Variants in NDEL1 observed in about 807,000 individuals in gnomAD.
The protein encoded by NDEL1 is nuclear distribution protein nudE-like 1.
NDEL1 carries 9 observed loss-of-function variants against 45.7 expected under a neutral mutation model. That is an observed-to-expected ratio of 0.20 (90% CI 0.12 to 0.34). The LOEUF (loss-of-function observed/expected upper bound fraction) is 0.34. Among genes scored for constraint, NDEL1 ranks in the 10% least tolerant of loss-of-function variants. The pLI, the probability that NDEL1 is intolerant of heterozygous loss-of-function variation, is 1.00. For missense variants in NDEL1, 306 were observed against 406.2 expected (o/e 0.75, Z 2.12); for synonymous variants, 133 against 158.6 (o/e 0.84, Z 1.21).
rs1041683286 is a variant in NDEL1, at chr17:8,465,509, A to G, written c.945-1421A>G. On this transcript the variant is annotated intron_variant, in intron 8 of 8. Coordinates refer to ENST00000334527, the MANE Select transcript of NDEL1 (RefSeq NM_030808.5). This position sits in a 1 kb window ranked among gnomAD's most constrained non-coding sequence, Gnocchi z 4.9. The stretch of plus-strand genomic sequence containing the variant: ...TACTCTGAGTTTAGTTTCTTTAGAC[A>G]TGAACTTTGTTTCTTCCAAGTAGGC... 1 of 152,192 alleles carries G rather than the reference A, an allele frequency of 6.6e-6. No individual in the cohort carries two copies. Among genetic ancestry groups the G allele is most frequent in the Non-Finnish European group, 1.5e-5 (1 of 68,032 alleles). The allele number at this position is 152,192 out of a possible 1,614,324, so 9.4% of individuals were successfully genotyped here.
At chr17:8,433,099 CA>C (rs552822111), upstream of NDEL1, among the ~76,000 whole-genome samples, 10,082 of 135,460 alleles carry the variant, frequency 0.074, 347 homozygotes, top group Middle Eastern at 0.094. Context: ...TACAATTCTT[CA>C]AAAAAAAAAA....
chr17:8,452,974 GGTGA>G lies in NDEL1; in HGVS notation c.701-1821_701-1818del, dbSNP rs1597546330. ...GGCCAGTCTCAAACTCCTGACCTCAGGTGATCCACCCACCTCAGCCTCCCAAAGT... is the reference window on the plus strand; with the variant it reads ...GGCCAGTCTCAAACTCCTGACCTCAGTCCACCCACCTCAGCCTCCCAAAGT... On this transcript the variant is annotated intron_variant, in intron 6 of 8. Coordinates refer to ENST00000334527, the MANE Select transcript of NDEL1 (RefSeq NM_030808.5). Among the ~76,000 whole-genome samples the G allele has an allele frequency of 2.0e-5, 3 of 151,958 alleles. No individual in the cohort carries two copies. The East Asian group carries it at 5.8e-4, about 29-fold the overall frequency.
chr17:8,449,131 C>A (rs554155480), intron 5 of NDEL1, among the ~76,000 whole-genome samples: 7 of 152,274 alleles, frequency 4.6e-5, no homozygotes, highest in Admixed American at 3.3e-4. Context: ...TACAGGCGCC[C>A]GCCACCACAC....
At chr17:8,437,699 G>A (rs1319231072) in intron 1 of NDEL1, among the ~76,000 whole-genome samples, 2 of 152,168 alleles carry the variant, frequency 1.3e-5, no homozygotes, top group South Asian at 2.1e-4. Flanking sequence ...CTCTTCTAAC[G>A]TCAGTCCATT....
chr17:8,472,386 G>T (rs933763355), downstream of NDEL1, among the ~76,000 whole-genome samples: 24 of 152,206 alleles, frequency 1.6e-4, no homozygotes, highest in African/African-American at 5.8e-4. Context: ...GGGCATGGTG[G>T]CTCACACCTG....
At chr17:8,450,978 G>C in intron 6 of NDEL1, 25 bp downstream of exon 6, 1 of 1,595,226 alleles carries the variant, frequency 6.3e-7, no homozygotes, top group Non-Finnish European at 8.5e-7. Flanking sequence ...TTCTTTTTGA[G>C]GCGATGTGTT....
chr17:8,439,131 C>T (rs1391330147), intron 1 of NDEL1, among the ~76,000 whole-genome samples: 1 of 151,022 alleles, frequency 6.6e-6, no homozygotes, highest in Non-Finnish European at 1.5e-5. Flanking sequence ...TTAGTAGAGA[C>T]GGGGTTTCAC....
chr17:8,455,442 C>T (rs1016525568), intron 7 of NDEL1, among the ~76,000 whole-genome samples: 1 of 152,140 alleles, frequency 6.6e-6, no homozygotes, highest in African/African-American at 2.4e-5. Context: ...AATCCCAGCA[C>T]TTTGGGAGGC....
At chr17:8,460,694 A>T (rs1226032938) in intron 8 of NDEL1, among the ~76,000 whole-genome samples, 1 of 152,158 alleles carries the variant, frequency 6.6e-6, no homozygotes, top group Non-Finnish European at 1.5e-5. Flanking sequence ...TAATGCAAAA[A>T]ATTTCAGTTA....
At chr17:8,469,806 C>T (rs1451439146), downstream of NDEL1, among the ~76,000 whole-genome samples, 2 of 150,376 alleles carry the variant, frequency 1.3e-5, no homozygotes, top group Admixed American at 6.6e-5. Flanking sequence ...CGGGTTCCAG[C>T]GATTCTCCTG....
chr17:8,464,122 C>T (rs1391986988), intron 8 of NDEL1: 1 of 152,294 alleles, frequency 6.6e-6, no homozygotes, highest in Non-Finnish European at 1.5e-5. Flanking sequence ...TGGCTCTTCC[C>T]CCTTTTCACT....
chr17:8,452,702 T>C (rs2151727132), intron 6 of NDEL1, among the ~76,000 whole-genome samples: 1 of 150,964 alleles, frequency 6.6e-6, no homozygotes, highest in East Asian at 1.9e-4. Context: ...TCTTTCTTTT[T>C]CTTTCTTCCT....
At chr17:8,447,387 C>T (rs1213417926) in intron 4 of NDEL1, among the ~76,000 whole-genome samples, 1 of 152,198 alleles carries the variant, frequency 6.6e-6, no homozygotes, top group African/African-American at 2.4e-5. Context: ...AAGTGATCTG[C>T]CCACCTTGGC....
upstream of NDEL1, chr17:8,431,765 C>T (rs1304731120): frequency 6.6e-5 from 10 of 152,024 alleles, no homozygotes; most frequent in East Asian, 1.9e-3. Context: ...AGCACAGTTG[C>T]CAGTGCATAC....
chr17:8,449,228 G>A (rs559934156), intron 5 of NDEL1, among the ~76,000 whole-genome samples: 3 of 152,270 alleles, frequency 2.0e-5, no homozygotes, highest in East Asian at 1.9e-4. Context: ...TGATCCGGCC[G>A]CCTTGGCCTC....
At position 8,467,447 on chromosome 17, in the gene NDEL1, TCCCA is replaced by T. The variant is rs988842874; in HGVS notation, c.*429_*432del. Reference sequence around the variant, plus strand: ...CAGGTCAATGTGTGCCCTCCTGAGCTCCCACCCAGGCATCTCCAGTGCTCATGAT... The same window carrying T: ...CAGGTCAATGTGTGCCCTCCTGAGCTCCCAGGCATCTCCAGTGCTCATGAT... On this transcript the variant is annotated 3_prime_UTR_variant, in exon 9 of 9. Transcript: ENST00000334527. The surrounding 1 kb of genome is among the most constrained non-coding windows in gnomAD (Gnocchi z 6.3). 1.5e-5 allele frequency: 6 copies of T among 391,312 alleles called. No homozygotes were observed. Among genetic ancestry groups the T allele is most frequent in the Non-Finnish European group, 2.7e-5 (6 of 221,722 alleles). 24.2% of individuals were successfully genotyped at this position (391,312 alleles called of 1,614,324 possible).
At chr17:8,459,512 A>G (rs896005671) in intron 7 of NDEL1, among the ~76,000 whole-genome samples, 10 of 152,224 alleles carry the variant, frequency 6.6e-5, no homozygotes, top group Non-Finnish European at 1.5e-4. Flanking sequence ...AATTTCATGT[A>G]AAGTGTTGTA....
At chr17:8,468,794 A>G (rs1330472467), downstream of NDEL1, among the ~76,000 whole-genome samples, 1 of 152,248 alleles carries the variant, frequency 6.6e-6, no homozygotes, top group Non-Finnish European at 1.5e-5. Flanking sequence ...TCACAAGGTC[A>G]GGAGTTCGAG....
chr17:8,413,231 C>G (rs540711223), exon 1 of NDEL1: 2 of 152,316 alleles, frequency 1.3e-5, no homozygotes, highest in Admixed American at 1.3e-4. Context: ...CGTATGCTGC[C>G]GTGGATCTGA....
Sources: allele counts gnomAD v4.1 joint callset (sites outside exome capture counted in the v4.1 genomes callset), GRCh38; gene constraint gnomAD v4.1.1; non-coding constraint Gnocchi (gnomAD v3.1); transcripts MANE v1.5; gene names NCBI Gene and HGNC (gene_info 2026-07-23, HGNC 2026-07-21).